The following NOD1 variants were observed in gnomAD, a reference collection of about 807,000 sequenced individuals.
NOD1 encodes the protein nucleotide binding oligomerization domain containing 1, also known as nucleotide-binding oligomerization domain-containing protein 1.
NOD1 carries 70 observed loss-of-function variants against 81.2 expected under a neutral mutation model. The observed-to-expected ratio is 0.86, with a 90% CI of 0.71 to 1.05. NOD1 has a LOEUF of 1.05. NOD1 is among the 50% of genes least tolerant of loss of function. The pLI, the probability that NOD1 is intolerant of heterozygous loss-of-function variation, is 0.00. For missense variants in NOD1, 1,233 were observed against 1,228.0 expected (o/e 1.00, Z -0.06); for synonymous variants, 508 against 526.9 (o/e 0.96, Z 0.49).
rs757554668 is a variant in NOD1, at chr7:30,436,069, G to A, written c.2550C>T (p.Asn850=). 6 of 1,613,672 alleles carry A rather than the reference G, an allele frequency of 3.7e-6. No individual in the cohort carries two copies. The highest frequency in any genetic ancestry group is 4.5e-5 in the East Asian group (2 of 44,896). The change falls in exon 11 of 14, where the codon AAC becomes AAT. Residue 850 remains asparagine, a synonymous_variant. Coordinates refer to ENST00000222823, the MANE Select transcript of NOD1 (RefSeq NM_006092.4). ...PSLTTLSLAS[N]GISTEGGKSL... ...TCTTTCCTCCTTCTGTGGAGATGCC[G>A]TTGGACGCAAGACTAGGAAGGAACA...
intron 13 of NOD1, among the ~76,000 whole-genome samples, chr7:30,426,182 T>G (rs1049955064): frequency 2.6e-5 from 4 of 152,134 alleles, no homozygotes; most frequent in Non-Finnish European, 5.9e-5. Context: ...CCCCACCCGA[T>G]CTCATCAATG....
rs146756818 is a variant in NOD1, at chr7:30,445,960, G to A, written c.2453+181C>T. Reference sequence around the variant, plus strand: ...AAGAGGCAGGGGGGAGGGGGACCGGGGAGTTATTGCTTAATGGGCACGGTT... The same window carrying A: ...AAGAGGCAGGGGGGAGGGGGACCGGAGAGTTATTGCTTAATGGGCACGGTT... On this transcript the variant is annotated intron_variant, in intron 9 of 13. Transcript: ENST00000222823. 3.9e-3 allele frequency among the ~76,000 whole-genome samples: 592 copies of A among 151,954 alleles called. 2 individuals carry two copies. The highest frequency in any genetic ancestry group is 0.02 in the Middle Eastern group (6 of 294).
chr7:30,473,036 C>G (rs1426124305), intron 1 of NOD1, among the ~76,000 whole-genome samples: 1 of 152,186 alleles, frequency 6.6e-6, no homozygotes, highest in Admixed American at 6.5e-5. Flanking sequence ...CAGAAGGAAC[C>G]AAGAGCTATA....
At chr7:30,430,120 A>G (rs1783815123) in intron 12 of NOD1, among the ~76,000 whole-genome samples, 1 of 152,198 alleles carries the variant, frequency 6.6e-6, no homozygotes, top group South Asian at 2.1e-4. Context: ...GTAGCTAGGG[A>G]AAGGCAAGGC....
chr7:30,429,325 G>A, intron 13 of NOD1, 49 bp downstream of exon 13: 3 of 1,472,034 alleles, frequency 2.0e-6, no homozygotes, highest in Non-Finnish European at 2.9e-6. Context: ...CAGTGGTGGT[G>A]AGTAAACAGT....
intron 1 of NOD1, among the ~76,000 whole-genome samples, chr7:30,470,521 C>G (rs921467083): frequency 6.6e-6 from 1 of 152,234 alleles, no homozygotes; most frequent in African/African-American, 2.4e-5. Context: ...AATTCACAGG[C>G]TCACTTAGGG....
Position 30,467,802 on chromosome 7 carries a change from A to G in NOD1, c.-351-7761T>C, listed in dbSNP as rs534928556. Among the ~76,000 whole-genome samples, 39 of 152,224 alleles carry G rather than the reference A, an allele frequency of 2.6e-4. No individual in the cohort carries two copies. Among genetic ancestry groups the G allele is most frequent in the Admixed American group, 2.4e-3 (37 of 15,296 alleles). ...CTGCAACCTCCGCCTCATAGGTTCA[A>G]GTGATTCTCCTGCCTCAGCCTCCTG... On this transcript the variant is annotated intron_variant, in intron 1 of 13. Transcript: ENST00000222823. This position sits in a 1 kb window ranked among gnomAD's most constrained non-coding sequence, Gnocchi z 4.5.
intron 12 of NOD1, among the ~76,000 whole-genome samples, chr7:30,430,794 T>C (rs943655389): frequency 3.3e-5 from 5 of 152,232 alleles, no homozygotes; most frequent in African/African-American, 1.2e-4. Flanking sequence ...TCACTGTTAC[T>C]GCCCAAGCAC....
At chr7:30,459,417 T>C (rs1474284172) in intron 2 of NOD1, among the ~76,000 whole-genome samples, 177 bp from the exon 3 acceptor site, 1 of 152,260 alleles carries the variant, frequency 6.6e-6, no homozygotes, top group African/African-American at 2.4e-5. Context: ...ATAGTCACTT[T>C]TTTGTTGTTC....
chr7:30,468,018 T>C (rs1787890485), intron 1 of NOD1, among the ~76,000 whole-genome samples: 1 of 152,118 alleles, frequency 6.6e-6, no homozygotes, highest in South Asian at 2.1e-4. Context: ...TTGTTTTAAA[T>C]TTAGTAGAAG....
chr7:30,453,991 G>C (rs182489613), intron 5 of NOD1, among the ~76,000 whole-genome samples: 1 of 152,216 alleles, frequency 6.6e-6, no homozygotes, highest in African/African-American at 2.4e-5. Context: ...GAAGTCTTTC[G>C]AAAGAATGAT....
At chr7:30,457,519 T>C (rs1786508152) in intron 3 of NOD1, among the ~76,000 whole-genome samples, 1 of 152,232 alleles carries the variant, frequency 6.6e-6, no homozygotes, top group Non-Finnish European at 1.5e-5. Flanking sequence ...ACTTGAGGGT[T>C]ACATCTCTAG....
chr7:30,455,192 G>A lies in NOD1; in HGVS notation c.321C>T (p.Ile107=), dbSNP rs772715116. 1.1e-5 allele frequency: 18 copies of A among 1,614,044 alleles called. No homozygotes were observed. The highest frequency in any genetic ancestry group is 3.3e-5 in the Admixed American group (2 of 60,006). ...GAGTGAGCAGGGAAGGGGAGAAGCC[G>A]ATCTCCAGCAGCCAAGGCCTGAGGT... The part of the protein sequence containing the change: ...YVDLRPWLLE[I]GFSPSLLTQS... The change falls in exon 5 of 14, where the codon ATC becomes ATT. Residue 107 remains isoleucine (I), a synonymous_variant. Coordinates refer to ENST00000222823, the MANE Select transcript of NOD1 (RefSeq NM_006092.4).
At chr7:30,433,783 GGAA>G (rs1218229847) in intron 11 of NOD1, among the ~76,000 whole-genome samples, 4 of 152,106 alleles carry the variant, frequency 2.6e-5, no homozygotes, top group African/African-American at 4.8e-5. Context: ...AGAATCATTA[GGAA>G]GAAGAATAGA....
At chr7:30,476,827 G>GGGGCAGCA (rs1788827253) in intron 1 of NOD1, among the ~76,000 whole-genome samples, 1 of 152,200 alleles carries the variant, frequency 6.6e-6, no homozygotes, top group Non-Finnish European at 1.5e-5. Context: ...GGCCCTGAGC[G>GGGGCAGCA]GGGCAGCAGG....
intron 5 of NOD1, among the ~76,000 whole-genome samples, chr7:30,454,182 G>A (rs1786096064): frequency 6.6e-6 from 1 of 152,238 alleles, no homozygotes; most frequent in South Asian, 2.1e-4. Context: ...CACCTGTCTT[G>A]TGCTTCTGTT....
chr7:30,436,202 G>T, intron 10 of NOD1, 121 bp from the exon 11 acceptor site: 1 of 747,328 alleles, frequency 1.3e-6, no homozygotes, highest in Non-Finnish European at 2.3e-6. Flanking sequence ...GCTCACTCGG[G>T]GCAGGATGCA....
intron 11 of NOD1, 33 bp downstream of exon 11, chr7:30,435,965 C>T: frequency 6.4e-7 from 1 of 1,566,498 alleles, no homozygotes; most frequent in East Asian, 2.2e-5. Context: ...CACAGAAAAA[C>T]AAACAAACAA....
Position 30,452,483 on chromosome 7 carries a change from C to T in NOD1, c.934G>A (p.Val312Ile). The change falls in exon 6 of 14, where the codon GTC becomes ATC. Residue 312 changes from valine to isoleucine, a missense_variant. Coordinates refer to ENST00000222823, the MANE Select transcript of NOD1 (RefSeq NM_006092.4). ...SCPWEPAHPL[V>I]LLANLLSGKL... ...CCACTGAGCAGGTTGGCCAGCAAGA[C>T]CAGGGGGTGGGCAGGCTCCCAGGGG... 6.2e-7 allele frequency: 1 copy of T among 1,613,256 alleles called. No homozygotes were observed. Among genetic ancestry groups the T allele is most frequent in the Non-Finnish European group, 8.5e-7 (1 of 1,179,948 alleles).
Sources: allele counts gnomAD v4.1 joint callset (sites outside exome capture counted in the v4.1 genomes callset), GRCh38; gene constraint gnomAD v4.1.1; non-coding constraint Gnocchi (gnomAD v3.1); transcripts MANE v1.5; gene names NCBI Gene and HGNC (gene_info 2026-07-23, HGNC 2026-07-21).